The following TTC3 variants were observed in gnomAD, a reference collection of about 807,000 sequenced individuals.
TTC3 encodes E3 ubiquitin-protein ligase TTC3.
A neutral mutation model predicts 249.6 loss-of-function variants in TTC3; 180 were observed. That is an observed-to-expected ratio of 0.72 (90% CI 0.64 to 0.82). TTC3 has a LOEUF of 0.82. Among genes scored for constraint, TTC3 ranks in the 40% least tolerant of loss-of-function variants. TTC3 has a pLI of 0.00. For missense variants in TTC3, 2,061 were observed against 2,398.4 expected (o/e 0.86, Z 2.94); for synonymous variants, 717 against 805.0 (o/e 0.89, Z 1.85).
chr21:37,185,281 G>A (rs143435091), intron 36 of TTC3, among the ~76,000 whole-genome samples: 92 of 152,324 alleles, frequency 6.0e-4, no homozygotes, highest in African/African-American at 2.0e-3. Flanking sequence ...GCGCACCCGC[G>A]TGTGTGCATG....
At chr21:37,112,034 G>A (rs917559180) in intron 11 of TTC3, among the ~76,000 whole-genome samples, 1 of 151,860 alleles carries the variant, frequency 6.6e-6, no homozygotes, top group Non-Finnish European at 1.5e-5. Flanking sequence ...GAATCTCTGG[G>A]ACACATTCAA....
At chr21:37,127,170 T>A (rs961226804) in intron 15 of TTC3, among the ~76,000 whole-genome samples, 2 of 152,156 alleles carry the variant, frequency 1.3e-5, no homozygotes, top group African/African-American at 4.8e-5. Context: ...TCTCTTCTTA[T>A]AAGGGCACTA....
chr21:37,185,600 A>T (rs967116789), intron 36 of TTC3, 106 bp from the exon 37 acceptor site: 1 of 520,242 alleles, frequency 1.9e-6, no homozygotes, highest in South Asian at 3.9e-5. Flanking sequence ...TATATATATT[A>T]AAAAATCAAG....
chr21:37,114,532 ACAGG>A (rs1440429018), intron 11 of TTC3, among the ~76,000 whole-genome samples: 1 of 152,212 alleles, frequency 6.6e-6, no homozygotes, highest in African/African-American at 2.4e-5. Flanking sequence ...TCAAGAAACA[ACAGG>A]TGCTGGAGAG....
exon 7 of TTC3, chr21:37,091,319 G>A: frequency 6.2e-7 from 1 of 1,611,256 alleles, no homozygotes; most frequent in Non-Finnish European, 8.5e-7. Flanking sequence ...AAGAAGCTCT[G>A]AATTGGATAA....
intron 11 of TTC3, among the ~76,000 whole-genome samples, chr21:37,116,029 A>G (rs1246901367): frequency 6.6e-6 from 1 of 152,190 alleles, no homozygotes; most frequent in African/African-American, 2.4e-5. Context: ...TTTGAGTTAT[A>G]GTGGCTATTG....
rs145955323 is a variant in TTC3 at position 37,103,622 on chromosome 21, C to T, written c.846-4770C>T. Among the ~76,000 whole-genome samples the T allele has an allele frequency of 7.9e-5, 12 of 152,162 alleles. No individual in the cohort carries two copies. The East Asian group carries it at 1.2e-3, about 15-fold the overall frequency. On this transcript the variant is annotated intron_variant, in intron 10 of 45. Coordinates refer to ENST00000355666, the Ensembl canonical transcript of TTC3. Reference sequence around the variant, plus strand: ...ATATTTATAATATATGCTATTATAACGCTGTTTGTAGTGCTATATATTATA... The same window carrying T: ...ATATTTATAATATATGCTATTATAATGCTGTTTGTAGTGCTATATATTATA...
exon 28 of TTC3, chr21:37,156,739 A>G (rs779908641): frequency 2.4e-5 from 39 of 1,614,110 alleles, no homozygotes; most frequent in Middle Eastern, 3.3e-4. Context: ...TTCCTCTGGA[A>G]TGAGAAATAT....
rs921305533 is a variant in TTC3 at position 37,086,148 on chromosome 21, A to G, written c.-11-1099A>G. On this transcript the variant is annotated intron_variant, in intron 1 of 45. Transcript: ENST00000355666. ...TTGTGATATTGTGAAGTTTTCATAC[A>G]GCAAATTGGACATCATGAGATGGAT... 4 of 152,254 alleles carry G rather than the reference A, an allele frequency of 2.6e-5. No individual in the cohort carries two copies. The South Asian group carries it at 8.3e-4, about 31-fold the overall frequency. The allele number at this position is 152,254 out of a possible 1,614,324, so 9.4% of individuals were successfully genotyped here.
intron 10 of TTC3, among the ~76,000 whole-genome samples, chr21:37,106,123 T>C (rs988297904): frequency 2.6e-5 from 4 of 152,250 alleles, no homozygotes; most frequent in Admixed American, 6.5e-5. Flanking sequence ...TGTGTAGTGG[T>C]ATACCGCTGT....
At chr21:37,153,081 G>C in exon 27 of TTC3, 1 of 1,613,806 alleles carries the variant, frequency 6.2e-7, no homozygotes, top group Non-Finnish European at 8.5e-7. Flanking sequence ...TGCTTTCTTG[G>C]AAAGTTTTGA....
exon 33 of TTC3, chr21:37,165,982 A>G (rs560555260): frequency 6.2e-7 from 1 of 1,614,216 alleles, no homozygotes; most frequent in Admixed American, 1.7e-5. Context: ...AGGCCAAACC[A>G]GTATCCGACA....
intron 41 of TTC3, among the ~76,000 whole-genome samples, chr21:37,192,721 G>C (rs2084329315): frequency 6.6e-6 from 1 of 152,134 alleles, no homozygotes; most frequent in South Asian, 2.1e-4. Flanking sequence ...CTATGCCTGA[G>C]GCATACAGGG....
intron 6 of TTC3, 145 bp downstream of exon 6, chr21:37,090,431 A>G (rs1601321471): frequency 1.0e-6 from 1 of 964,134 alleles, no homozygotes; most frequent in South Asian, 1.9e-5. Flanking sequence ...TTCCTTAAGG[A>G]GACTCCTCAT....
intron 11 of TTC3, among the ~76,000 whole-genome samples, chr21:37,116,636 C>T (rs1352365154): frequency 6.6e-6 from 1 of 151,752 alleles, no homozygotes; most frequent in Admixed American, 6.6e-5. Context: ...ATGTGAAACC[C>T]CGTCTCTACA....
exon 31 of TTC3, chr21:37,162,005 T>C (rs1375868843): frequency 1.9e-6 from 3 of 1,592,544 alleles, no homozygotes; most frequent in Admixed American, 3.4e-5. Flanking sequence ...GTTAGTTGGG[T>C]CTGGAACAAC....
intron 1 of TTC3, among the ~76,000 whole-genome samples, chr21:37,078,262 A>G (rs1344136107): frequency 6.6e-6 from 1 of 151,964 alleles, no homozygotes; most frequent in Non-Finnish European, 1.5e-5. Context: ...TTTACCTGAA[A>G]TCTCGGTATC....
At chr21:37,200,324 G>A (rs1243006394) in exon 45 of TTC3, 3 of 1,613,858 alleles carry the variant, frequency 1.9e-6, no homozygotes, top group East Asian at 4.5e-5. Flanking sequence ...ATCACAAAGG[G>A]GTAAGAGCTC....
At position 37,165,869 on chromosome 21, in the gene TTC3, A is replaced by G. The variant is rs145359344; in HGVS notation, c.3655A>G (p.Lys1219Glu). The G allele has an allele frequency of 5.7e-5, 92 of 1,614,120 alleles. No individual in the cohort carries two copies. The highest frequency in any genetic ancestry group is 7.3e-5 in the Non-Finnish European group (86 of 1,180,044). Residue 1219 changes from lysine (K) to glutamate (E), a missense_variant, in exon 33 of 46, where the codon AAG becomes GAG. By Grantham distance (56) the Lys-to-Glu change is moderately conservative. Transcript: ENST00000355666. ...TGCTAGGGAATTTAAACCAGATGTA[A>G]AGTCTAAACCAGTGTCAGATTCATC...
Sources: gnomAD v4.1 joint callset for allele counts (sites outside exome capture counted in the v4.1 genomes callset) on GRCh38, gnomAD v4.1.1 for gene constraint, MANE v1.5 for transcripts, NCBI Gene and HGNC (gene_info 2026-07-23, HGNC 2026-07-21) for gene names.